Variants in SPTLC2 observed in about 807,000 individuals in gnomAD.
SPTLC2 encodes serine palmitoyltransferase long chain base subunit 2.
In SPTLC2, 21 loss-of-function variants were observed where a neutral mutation model predicts 62.0. The ratio of observed to expected loss-of-function variants is 0.34; its 90% confidence interval spans 0.24 to 0.49. The LOEUF (loss-of-function observed/expected upper bound fraction) is 0.49, where lower values mean the gene tolerates loss of function less well. Among genes scored for constraint, SPTLC2 ranks in the 20% least tolerant of loss-of-function variants. SPTLC2 has a pLI of 0.99. For missense variants in SPTLC2, 511 were observed against 713.0 expected, an observed-to-expected ratio of 0.72 and a Z score of 3.23; for synonymous variants, 261 against 261.8, an observed-to-expected ratio of 1.00 and a Z score of 0.03.
chr14:77,577,025 T>A, intron 3 of SPTLC2, 110 bp from the exon 4 acceptor site: 1 of 1,242,786 alleles, frequency 8.0e-7, no homozygotes, highest in Non-Finnish European at 1.2e-6. Flanking sequence ...AAGTCTATAT[T>A]AAAAAAATCT....
chr14:77,551,263 G>A (rs940543647), intron 9 of SPTLC2, among the ~76,000 whole-genome samples: 24 of 151,562 alleles, frequency 1.6e-4, no homozygotes, highest in African/African-American at 5.1e-4. Flanking sequence ...GCGTGGTGGC[G>A]GGCGCCTGTA....
At chr14:77,570,342 G>T in intron 5 of SPTLC2, 42 bp downstream of exon 5, 1 of 1,604,864 alleles carries the variant, frequency 6.2e-7, no homozygotes, top group South Asian at 1.1e-5. Context: ...AACAAAAGAA[G>T]ATATACATGA....
intron 8 of SPTLC2, chr14:77,554,775 G>T: frequency 5.9e-6 from 1 of 168,942 alleles, no homozygotes; most frequent in Admixed American, 5.5e-5. Context: ...AAAATTCACC[G>T]TATGATTTTT....
intron 6 of SPTLC2, among the ~76,000 whole-genome samples, chr14:77,557,715 T>C (rs2079592386): frequency 6.6e-6 from 1 of 152,210 alleles, no homozygotes; most frequent in Non-Finnish European, 1.5e-5. Context: ...GTCTGGGGCA[T>C]GTATAAGTCT....
At chr14:77,580,447 C>T (rs2079742332) in intron 2 of SPTLC2, among the ~76,000 whole-genome samples, 1 of 140,548 alleles carries the variant, frequency 7.1e-6, no homozygotes, top group African/African-American at 2.6e-5. Flanking sequence ...CACTGCACTC[C>T]AGCCTGGGCA....
At chr14:77,519,144 A>G (rs2079373296) in intron 10 of SPTLC2, among the ~76,000 whole-genome samples, 1 of 152,196 alleles carries the variant, frequency 6.6e-6, no homozygotes, top group African/African-American at 2.4e-5. Context: ...GATTCTAGCA[A>G]TTCTCCTGCC....
intron 2 of SPTLC2, among the ~76,000 whole-genome samples, chr14:77,595,813 A>C (rs1441205103): frequency 2.0e-5 from 3 of 152,168 alleles, no homozygotes; most frequent in Non-Finnish European, 4.4e-5. Context: ...GACGCACAGG[A>C]ACCACAAAAA....
At chr14:77,546,643 C>T (rs1240357351) in intron 9 of SPTLC2, among the ~76,000 whole-genome samples, 1 of 152,162 alleles carries the variant, frequency 6.6e-6, no homozygotes, top group Non-Finnish European at 1.5e-5. Context: ...GCAAAGATCA[C>T]CTATTGTTCA....
In SPTLC2 at chr14:77,570,043, G is replaced by A. The variant is rs1192493152; in HGVS notation, c.756+341C>T. Among the ~76,000 whole-genome samples, 4 of 149,582 alleles carry A rather than the reference G, an allele frequency of 2.7e-5. No homozygotes were observed. In the Admixed American group the frequency reaches 2.7e-4, roughly 10 times the overall value. On this transcript the variant is annotated intron_variant, in intron 5 of 11. Transcript: ENST00000216484. ...TGTTGCCCAGGCTGGCCAACATGGT[G>A]AAACCCCGCCTCTGCTAAAAATACA...
chr14:77,536,328 G>C (rs929684423), intron 9 of SPTLC2, among the ~76,000 whole-genome samples: 2 of 151,690 alleles, frequency 1.3e-5, no homozygotes, highest in African/African-American at 4.8e-5. Flanking sequence ...ATTTATTATA[G>C]GTGACACTGT....
At chr14:77,583,955 G>A (rs1036346174) in intron 2 of SPTLC2, among the ~76,000 whole-genome samples, 5 of 152,192 alleles carry the variant, frequency 3.3e-5, no homozygotes, top group Admixed American at 3.3e-4. Context: ...CATGTAAGGA[G>A]AGGGAAAACA....
chr14:77,509,751 T>C lies in SPTLC2; in HGVS notation c.*2533A>G. The C allele has an allele frequency of 2.5e-6, 1 of 396,566 alleles. No individual in the cohort carries two copies. The allele number at this position is 396,566 out of a possible 1,614,324, so 24.6% of individuals were successfully genotyped here. On this transcript the variant is annotated 3_prime_UTR_variant, in exon 12 of 12. Transcript: ENST00000216484. Reference sequence around the variant, plus strand: ...AGTTTCAAGAAGAGACAACCAACCATGTATAATGTCTACATAACATTTTGT... The same window carrying C: ...AGTTTCAAGAAGAGACAACCAACCACGTATAATGTCTACATAACATTTTGT...
intron 2 of SPTLC2, among the ~76,000 whole-genome samples, chr14:77,582,758 C>G (rs1307327688): frequency 1.3e-5 from 2 of 152,166 alleles, no homozygotes; most frequent in Non-Finnish European, 2.9e-5. Context: ...GGAGGAGAAG[C>G]TGTCACAACC....
At chr14:77,610,137 GGTTTT>G (rs55986788) in intron 1 of SPTLC2, among the ~76,000 whole-genome samples, 63,097 of 150,874 alleles carry the variant, frequency 0.42, 13,589 homozygotes, top group East Asian at 0.63. Flanking sequence ...ATCTAACTGA[GGTTTT>G]GTTTTGTTTT....
intron 6 of SPTLC2, among the ~76,000 whole-genome samples, chr14:77,561,784 C>T (rs1006892257): frequency 6.6e-6 from 1 of 152,146 alleles, no homozygotes; most frequent in African/African-American, 2.4e-5. Flanking sequence ...TACATTCTTC[C>T]AAACTTTTGT....
At chr14:77,517,804 T>C (rs963994438) in intron 11 of SPTLC2, among the ~76,000 whole-genome samples, 2 of 151,928 alleles carry the variant, frequency 1.3e-5, no homozygotes, top group South Asian at 2.1e-4. Context: ...GTAGAGTCCA[T>C]AGTGAGGGAG....
At chr14:77,519,426 A>C (rs1007806931) in intron 10 of SPTLC2, among the ~76,000 whole-genome samples, 1 of 152,120 alleles carries the variant, frequency 6.6e-6, no homozygotes, top group Non-Finnish European at 1.5e-5. Context: ...GTTTGAGAAT[A>C]AAAAAATGTG....
chr14:77,565,791 T>C (rs2079641779), intron 5 of SPTLC2, among the ~76,000 whole-genome samples: 1 of 152,196 alleles, frequency 6.6e-6, no homozygotes, highest in Non-Finnish European at 1.5e-5. Context: ...TTAGTTATAG[T>C]ATTGTGTCAC....
At chr14:77,605,214 T>C (rs2079899118) in intron 1 of SPTLC2, among the ~76,000 whole-genome samples, 1 of 152,054 alleles carries the variant, frequency 6.6e-6, no homozygotes, top group South Asian at 2.1e-4. Context: ...TTTCCCTATG[T>C]TGCCCAGGCT....
Sources: gnomAD v4.1 joint callset for allele counts (sites outside exome capture counted in the v4.1 genomes callset) on GRCh38, gnomAD v4.1.1 for gene constraint, MANE v1.5 for transcripts, NCBI Gene and HGNC (gene_info 2026-07-23, HGNC 2026-07-21) for gene names.